Variants in MYO18B observed in about 807,000 individuals in gnomAD.
MYO18B encodes the protein myosin XVIIIB.
A neutral mutation model predicts 273.0 loss-of-function variants in MYO18B; 204 were observed. The ratio of observed to expected loss-of-function variants is 0.75; its 90% CI spans 0.67 to 0.84. The LOEUF (loss-of-function observed/expected upper bound fraction) is 0.84, where lower values mean the gene tolerates loss of function less well. MYO18B is among the 40% of genes least tolerant of loss of function. MYO18B has a pLI of 0.00. For synonymous variants in MYO18B, 1,330 were observed against 1,305.7 expected, an observed-to-expected ratio of 1.02 and a Z score of -0.40; for missense variants, 3,212 against 3,287.6, an observed-to-expected ratio of 0.98 and a Z score of 0.56.
chr22:25,902,068 C>T (rs755105346), intron 29 of MYO18B, among the ~76,000 whole-genome samples: 5 of 152,036 alleles, frequency 3.3e-5, no homozygotes, highest in Non-Finnish European at 7.4e-5. Flanking sequence ...TAACTCCTGG[C>T]CCCAAGTGAT....
chr22:25,804,955 C>T (rs2088400249), intron 12 of MYO18B, among the ~76,000 whole-genome samples: 1 of 152,158 alleles, frequency 6.6e-6, no homozygotes, highest in African/African-American at 2.4e-5. Flanking sequence ...GGTGGGCTTG[C>T]CTGCTGAGGA....
Position 26,030,736 on chromosome 22 carries a change from AACTG to A in MYO18B, c.*307_*310del. The stretch of plus-strand genomic sequence containing the variant: ...GGACTGTTAGAATAGAACCAACCCA[AACTG>A]TGTGTAGTTTGGGGTGTATACTTCT... On this transcript the variant is annotated 3_prime_UTR_variant, in exon 44 of 44. Transcript: ENST00000335473. 1 of 392,366 alleles carries A rather than the reference AACTG, an allele frequency of 2.5e-6. No individual in the cohort carries two copies. Among genetic ancestry groups the A allele is most frequent in the Non-Finnish European group, 4.5e-6 (1 of 222,626 alleles). 24.3% of individuals were successfully genotyped at this position (392,366 alleles called of 1,614,324 possible). A position where few individuals can be genotyped will look rare whatever the true frequency, so the allele number is the denominator to read the frequency against.
Position 26,004,713 on chromosome 22 carries a change from T to G in MYO18B, c.6333-5T>G, listed in dbSNP as rs777849150. 5 of 1,613,406 alleles carry G rather than the reference T, an allele frequency of 3.1e-6. No homozygotes were observed. The African/African-American group carries it at 6.7e-5, about 22-fold the overall frequency. ...TGCTGATGGTGTCCTGCAATCTTAT[T>G]CTAGGGATAACGTCTCCATCCTCAG... is the stretch of plus-strand genomic sequence containing the variant. On this transcript the variant is annotated splice_polypyrimidine_tract_variant and splice_region_variant and intron_variant, in intron 41 of 43. Transcript: ENST00000335473.
chr22:25,761,397 T>G lies in MYO18B; in HGVS notation c.39+266T>G, dbSNP rs12159196. Among the ~76,000 whole-genome samples the G allele has an allele frequency of 1.1e-3, 158 of 146,490 alleles. 1 individual carries two copies. Among genetic ancestry groups the G allele is most frequent in the African/African-American group, 1.9e-3 (73 of 38,946 alleles). On this transcript the variant is annotated intron_variant, in intron 2 of 43. Coordinates refer to ENST00000335473, the MANE Select transcript of MYO18B (RefSeq NM_032608.7). ...GTTCCACAGGTGGTGGTGGTGGTGG[T>G]GGGGGGTGGTAGACCAGCTGTCCCA...
At chr22:25,856,940 G>T (rs118054529) in intron 21 of MYO18B, among the ~76,000 whole-genome samples, 2 of 152,186 alleles carry the variant, frequency 1.3e-5, no homozygotes, top group Non-Finnish European at 2.9e-5. Context: ...AGTCCATGCT[G>T]CCCATTCCAT....
At chr22:25,933,823 T>C (rs758644645) in intron 34 of MYO18B, among the ~76,000 whole-genome samples, 3 of 152,186 alleles carry the variant, frequency 2.0e-5, no homozygotes, top group Non-Finnish European at 4.4e-5. Flanking sequence ...GGGGAGCAAA[T>C]GTATGCATTT....
intron 34 of MYO18B, among the ~76,000 whole-genome samples, chr22:25,935,444 A>G (rs977323912): frequency 4.6e-5 from 7 of 152,206 alleles, no homozygotes; most frequent in East Asian, 1.9e-4. Context: ...TTTCCAAATC[A>G]ATTGTCTGCT....
At chr22:25,954,926 T>G (rs1354074553) in intron 38 of MYO18B, among the ~76,000 whole-genome samples, 1 of 152,134 alleles carries the variant, frequency 6.6e-6, no homozygotes, top group Non-Finnish European at 1.5e-5. Flanking sequence ...GCCAGGCTGG[T>G]CTCTAATTCC....
At chr22:25,944,138 C>G (rs2092677581) in intron 34 of MYO18B, among the ~76,000 whole-genome samples, 1 of 152,230 alleles carries the variant, frequency 6.6e-6, no homozygotes, top group African/African-American at 2.4e-5. Context: ...TATCACCCAC[C>G]TCCTAGCCAT....
chr22:25,901,345 A>T (rs1165278616), intron 29 of MYO18B: 1 of 152,274 alleles, frequency 6.6e-6, no homozygotes, highest in Non-Finnish European at 1.5e-5. Context: ...AGTGACTGAA[A>T]GTCACACCTT....
chr22:25,768,446 C>T lies in MYO18B; in HGVS notation c.530C>T (p.Pro177Leu), dbSNP rs13058434. Reference protein sequence around the residue: ...PEKTHPHDAPPCKTSPPATDT... With the variant: ...PEKTHPHDAPLCKTSPPATDT... ...AAGACTCATCCCCATGACGCCCCCC[C>T]TTGCAAGACCTCTCCCCCCGCCACA... The change falls in exon 4 of 44, where the codon CCT becomes CTT. Residue 177 changes from proline (P) to leucine (L), a missense_variant. Transcript: ENST00000335473. 0.12 allele frequency: 161,177 copies of T among 1,389,886 alleles called. 11,642 individuals carry two copies. The highest frequency in any genetic ancestry group is 0.32 in the East Asian group (14,156 of 43,880). The allele number at this position is 1,389,886 out of a possible 1,614,324, so 86.1% of individuals were successfully genotyped here.
At chr22:25,761,552 C>T (rs1384307932) in intron 2 of MYO18B, among the ~76,000 whole-genome samples, 3 of 152,138 alleles carry the variant, frequency 2.0e-5, no homozygotes, top group African/African-American at 4.8e-5. Context: ...TCCCTGCCTT[C>T]GGGCACCATA....
At chr22:25,809,560 G>T (rs1217470908) in intron 12 of MYO18B, among the ~76,000 whole-genome samples, 1 of 152,152 alleles carries the variant, frequency 6.6e-6, no homozygotes, top group African/African-American at 2.4e-5. Context: ...CCAGCGAGGT[G>T]CCCCATGATG....
chr22:25,806,330 C>G (rs1164727303), intron 12 of MYO18B, among the ~76,000 whole-genome samples: 1 of 152,184 alleles, frequency 6.6e-6, no homozygotes, highest in Non-Finnish European at 1.5e-5. Flanking sequence ...TAGGACACCT[C>G]CCATCACAGG....
chr22:25,775,012 C>CATAT (rs1373751754), intron 7 of MYO18B, among the ~76,000 whole-genome samples: 4 of 152,242 alleles, frequency 2.6e-5, no homozygotes, highest in African/African-American at 9.6e-5. Context: ...TGCATGCATG[C>CATAT]ATATAGGAGG....
intron 33 of MYO18B, among the ~76,000 whole-genome samples, chr22:25,912,191 C>T (rs551939101): frequency 1.1e-4 from 17 of 152,258 alleles, no homozygotes; most frequent in South Asian, 6.2e-4. Flanking sequence ...GGGACACACG[C>T]GGCAAGAGTA....
intron 38 of MYO18B, among the ~76,000 whole-genome samples, chr22:25,953,901 C>A (rs1311443407): frequency 6.6e-6 from 1 of 152,152 alleles, no homozygotes; most frequent in Admixed American, 6.5e-5. Context: ...TTTGAGAACT[C>A]CTTCCACTCT....
intron 1 of MYO18B, among the ~76,000 whole-genome samples, chr22:25,753,488 A>T (rs2343112): frequency 6.6e-6 from 1 of 152,264 alleles, no homozygotes; most frequent in East Asian, 1.9e-4. Context: ...AGGGAATGAA[A>T]GCAGGCTGCC....
chr22:25,773,506 C>T (rs1213623525), intron 7 of MYO18B, among the ~76,000 whole-genome samples: 2 of 152,116 alleles, frequency 1.3e-5, no homozygotes, highest in Non-Finnish European at 2.9e-5. Flanking sequence ...CTGTGTCGCC[C>T]AGGCTGGAGT....
Sources: gnomAD v4.1 joint callset for allele counts (sites outside exome capture counted in the v4.1 genomes callset) on GRCh38, gnomAD v4.1.1 for gene constraint, MANE v1.5 for transcripts, NCBI Gene and HGNC (gene_info 2026-07-23, HGNC 2026-07-21) for gene names.